Variants in OR6C2 observed in about 807,000 individuals in gnomAD.
OR6C2 encodes the protein olfactory receptor family 6 subfamily C member 2, also known as olfactory receptor 6C2.
For missense variants in OR6C2, 435 were observed against 365.8 expected, an observed-to-expected ratio of 1.19 and a Z score of -1.54; for synonymous variants, 146 against 134.2, an observed-to-expected ratio of 1.09 and a Z score of -0.61.
rs757435519 is a variant in OR6C2, at chr12:55,452,488, A to G, written c.275A>G (p.Tyr92Cys). The part of the protein sequence containing the change: ...NISMGDNTIT[Y>C]NACASQIFFV... Reference sequence around the variant, plus strand: ...TCAATGGGGGACAATACCATTACCTACAATGCTTGTGCCAGTCAAATATTC... The same window carrying G: ...TCAATGGGGGACAATACCATTACCTGCAATGCTTGTGCCAGTCAAATATTC... Residue 92 changes from tyrosine (Y) to cysteine (C), a missense_variant, in exon 2 of 2, where the codon TAC (tyrosine) becomes TGC (cysteine). By Grantham distance (194) the Tyr-to-Cys change is radical. Coordinates refer to ENST00000641202, the MANE Select transcript of OR6C2 (RefSeq NM_054105.2). 6.2e-7 allele frequency: 1 copy of G among 1,613,904 alleles called. No homozygotes were observed. Among genetic ancestry groups the G allele is most frequent in the Non-Finnish European group, 8.5e-7 (1 of 1,179,832 alleles).
At chr12:55,450,811 A>G (rs938618971) in intron 1 of OR6C2, among the ~76,000 whole-genome samples, 5 of 152,104 alleles carry the variant, frequency 3.3e-5, no homozygotes, top group Admixed American at 2.0e-4. Context: ...GAATATCAGT[A>G]TTAGACATGA....
In OR6C2 at chr12:55,452,934, T is replaced by A; in HGVS notation, c.721T>A (p.Ser241Thr). Residue 241 changes from serine to threonine, a missense_variant, in exon 2 of 2, where the codon TCC (serine) becomes ACC (threonine). By Grantham distance (58) the Ser-to-Thr change is moderately conservative. Coordinates refer to ENST00000641202, the MANE Select transcript of OR6C2 (RefSeq NM_054105.2). ...GAAAAAGGCCTTTTCTACCTGTTCA[T>A]CCCACATGATTGTGGTTTCCATTGC... Reference protein sequence around the residue: ...QRKKAFSTCSSHMIVVSIAYG... With the variant: ...QRKKAFSTCSTHMIVVSIAYG... The A allele has an allele frequency of 6.2e-7, 1 of 1,613,740 alleles. No homozygotes were observed. The highest frequency in any genetic ancestry group is 8.5e-7 in the Non-Finnish European group (1 of 1,179,760).
In OR6C2 at chr12:55,453,193, C is replaced by A. The variant is rs1399563129; in HGVS notation, c.*41C>A. The A allele has an allele frequency of 7.0e-7, 1 of 1,422,664 alleles. No homozygotes were observed. The highest frequency in any genetic ancestry group is 9.8e-7 in the Non-Finnish European group (1 of 1,023,402). 88.1% of individuals were successfully genotyped at this position (1,422,664 alleles called of 1,614,324 possible). ...GGCATAAAGTGAATGAAGAAGGCTC[C>A]CTAAATGTCATCCTACAGCTTTTAA... On this transcript the variant is annotated 3_prime_UTR_variant, in exon 2 of 2. Transcript: ENST00000641202.
Position 55,451,724 on chromosome 12 carries a change from T to C in OR6C2, c.-490T>C, listed in dbSNP as rs1410229432. On this transcript the variant is annotated 5_prime_UTR_variant, in exon 2 of 2. Coordinates refer to ENST00000641202, the MANE Select transcript of OR6C2 (RefSeq NM_054105.2). Reference sequence around the variant, plus strand: ...CAACGGTTGTATTCTGTTGTCATTGTTGTTTGTTTGTTTTTCAGGAAAAAT... The same window carrying C: ...CAACGGTTGTATTCTGTTGTCATTGCTGTTTGTTTGTTTTTCAGGAAAAAT... 1 of 152,568 alleles carries C rather than the reference T, an allele frequency of 6.6e-6. No homozygotes were observed. Among genetic ancestry groups the C allele is most frequent in the African/African-American group, 2.4e-5 (1 of 41,422 alleles). 9.5% of individuals were successfully genotyped at this position (152,568 alleles called of 1,614,324 possible). A position where few individuals can be genotyped will look rare whatever the true frequency, so the allele number is the denominator to read the frequency against.
chr12:55,448,642 G>T (rs114769789), intron 1 of OR6C2, among the ~76,000 whole-genome samples: 1 of 17,604 alleles, frequency 5.7e-5, no homozygotes, highest in Non-Finnish European at 1.2e-4. Flanking sequence ...TCCATTCACT[G>T]CAAAAAAAAA....
chr12:55,444,479 A>G (rs1277442521), intron 1 of OR6C2, among the ~76,000 whole-genome samples: 1 of 152,194 alleles, frequency 6.6e-6, no homozygotes, highest in East Asian at 1.9e-4. Context: ...CATTGCTTAT[A>G]ATGTTAGCTT....
chr12:55,449,055 A>G (rs1427107832), intron 1 of OR6C2, among the ~76,000 whole-genome samples: 1 of 151,978 alleles, frequency 6.6e-6, no homozygotes, highest in Non-Finnish European at 1.5e-5. Flanking sequence ...GCAAATAAAA[A>G]GACTATTTCA....
intron 1 of OR6C2, among the ~76,000 whole-genome samples, chr12:55,450,212 A>G (rs576057792): frequency 5.3e-5 from 8 of 152,216 alleles, no homozygotes; most frequent in Admixed American, 2.6e-4. Flanking sequence ...AACCAAGTAC[A>G]TAAGTACTTG....
intron 1 of OR6C2, among the ~76,000 whole-genome samples, chr12:55,444,977 A>G (rs1871336825): frequency 6.6e-6 from 1 of 152,206 alleles, no homozygotes; most frequent in South Asian, 2.1e-4. Context: ...AAACCTCAGA[A>G]TATTTGAAAA....
chr12:55,452,110 G>C lies in OR6C2; in HGVS notation c.-104G>C. ...GGAGAAAATAAAAGTAGGCTGGTCA[G>C]CTTGGCTTCTAGATGCATATCCTTT... On this transcript the variant is annotated 5_prime_UTR_variant, in exon 2 of 2. Coordinates refer to ENST00000641202, the MANE Select transcript of OR6C2 (RefSeq NM_054105.2). 1 of 649,280 alleles carries C rather than the reference G, an allele frequency of 1.5e-6. No individual in the cohort carries two copies. The highest frequency in any genetic ancestry group is 2.6e-4 in the Middle Eastern group (1 of 3,882). The allele number at this position is 649,280 out of a possible 1,614,324, so 40.2% of individuals were successfully genotyped here.
chr12:55,448,585 TA>T (rs1871405093), intron 1 of OR6C2, among the ~76,000 whole-genome samples: 1 of 116,020 alleles, frequency 8.6e-6, no homozygotes, highest in African/African-American at 3.3e-5. Flanking sequence ...GACCTAAAAC[TA>T]AACTTTTCCT....
In OR6C2 at chr12:55,452,672, C is replaced by T. The variant is rs1163851411; in HGVS notation, c.459C>T (p.Ile153=). The part of the protein sequence containing the change: ...VLCCWVAGLM[I]IVPPLSLGLQ... ...GCTGTTGGGTGGCTGGCTTGATGAT[C>T]ATTGTTCCACCACTTAGCTTAGGCC... Residue 153 remains isoleucine (I), a synonymous_variant, in exon 2 of 2, where the codon ATC becomes ATT. Coordinates refer to ENST00000641202, the MANE Select transcript of OR6C2 (RefSeq NM_054105.2). 3 of 1,613,712 alleles carry T rather than the reference C, an allele frequency of 1.9e-6. No homozygotes were observed. The highest frequency in any genetic ancestry group is 8.5e-7 in the Non-Finnish European group (1 of 1,179,798).
chr12:55,452,199 T>C lies in OR6C2; in HGVS notation c.-15T>C. 1 of 1,501,174 alleles carries C rather than the reference T, an allele frequency of 6.7e-7. No homozygotes were observed. The highest frequency in any genetic ancestry group is 1.3e-5 in the South Asian group (1 of 75,908). The allele number at this position is 1,501,174 out of a possible 1,614,324, so 93.0% of individuals were successfully genotyped here. A position where few individuals can be genotyped will look rare whatever the true frequency, so the allele number is the denominator to read the frequency against. On this transcript the variant is annotated 5_prime_UTR_variant, in exon 2 of 2. Coordinates refer to ENST00000641202, the MANE Select transcript of OR6C2 (RefSeq NM_054105.2). Reference sequence around the variant, plus strand: ...GATTTTTAAAGGAGGATTGGGTAGATATCAAAGAACAGTGATGAAAAACCA... The same window carrying C: ...GATTTTTAAAGGAGGATTGGGTAGACATCAAAGAACAGTGATGAAAAACCA...
chr12:55,452,085 G>C lies in OR6C2; in HGVS notation c.-129G>C, dbSNP rs939625094. ...TGGCAACATTGATTATTCTATAAAG[G>C]GAGAAAATAAAAGTAGGCTGGTCAG... is the stretch of plus-strand genomic sequence containing the variant. On this transcript the variant is annotated 5_prime_UTR_variant, in exon 2 of 2. Transcript: ENST00000641202. 5.3e-6 allele frequency: 3 copies of C among 566,762 alleles called. No individual in the cohort carries two copies. The Admixed American group carries it at 9.8e-5, about 19-fold the overall frequency. The allele number at this position is 566,762 out of a possible 1,614,324, so 35.1% of individuals were successfully genotyped here. A position where few individuals can be genotyped will look rare whatever the true frequency, so the allele number is the denominator to read the frequency against.
chr12:55,446,165 G>A (rs540861193), intron 1 of OR6C2, among the ~76,000 whole-genome samples: 17 of 129,518 alleles, frequency 1.3e-4, no homozygotes, highest in African/African-American at 3.9e-4. Context: ...TCTTTCTTTC[G>A]TGAGACGGAG....
Position 55,452,566 on chromosome 12 carries a change from A to C in OR6C2, c.353A>C (p.Tyr118Ser), listed in dbSNP as rs760144869. The C allele has an allele frequency of 2.4e-5, 39 of 1,613,752 alleles. 1 individual carries two copies. In the Middle Eastern group the frequency reaches 2.1e-3, roughly 88 times the overall value. ...TEFFLLAAMSYDRYVAICKPL... is the reference protein window; with the variant it reads ...TEFFLLAAMSSDRYVAICKPL... ...TTTTTTCTCTTGGCAGCCATGTCCT[A>C]TGACCGCTATGTGGCCATCTGTAAA... Residue 118 changes from tyrosine to serine, a missense_variant, in exon 2 of 2, where the codon TAT becomes TCT. By Grantham distance (144) the Tyr-to-Ser change is moderately radical. Transcript: ENST00000641202.
chr12:55,449,715 G>T (rs1308564582), intron 1 of OR6C2, among the ~76,000 whole-genome samples: 4 of 151,192 alleles, frequency 2.6e-5, no homozygotes, highest in Non-Finnish European at 5.9e-5. Context: ...ATCAAATTCT[G>T]GAAAAAAGGA....
intron 1 of OR6C2, among the ~76,000 whole-genome samples, chr12:55,448,906 T>C (rs1871417283): frequency 6.6e-6 from 1 of 151,918 alleles, no homozygotes; most frequent in Non-Finnish European, 1.5e-5. Flanking sequence ...GTAGGTTTGT[T>C]CATATTTCTT....
Position 55,453,315 on chromosome 12 carries a change from T to G in OR6C2, c.*163T>G. On this transcript the variant is annotated 3_prime_UTR_variant, in exon 2 of 2. Transcript: ENST00000641202. ...ATCCCATCTTTATCAAAATCCTTAT[T>G]ATTTCGAACCAAGGTCATACATTGT... 1.7e-6 allele frequency: 1 copy of G among 580,148 alleles called. No individual in the cohort carries two copies. The highest frequency in any genetic ancestry group is 3.2e-5 in the Admixed American group (1 of 31,162). 35.9% of individuals were successfully genotyped at this position (580,148 alleles called of 1,614,324 possible).
Sources: allele counts gnomAD v4.1 joint callset (sites outside exome capture counted in the v4.1 genomes callset), GRCh38; gene constraint gnomAD v4.1.1; transcripts MANE v1.5; gene names NCBI Gene and HGNC (gene_info 2026-07-23, HGNC 2026-07-21).